Variants in HEATR5A observed in about 807,000 individuals in gnomAD.
HEATR5A encodes HEAT repeat containing 5A, also known as HEAT repeat-containing protein 5A.
A neutral mutation model predicts 218.8 loss-of-function variants in HEATR5A; 178 were observed. The ratio of observed to expected loss-of-function variants is 0.81; its 90% CI spans 0.72 to 0.92. HEATR5A has a LOEUF of 0.92. Ranked by LOEUF, HEATR5A falls within the 40% of genes least tolerant of loss-of-function variation. The probability of loss-of-function intolerance (pLI) is 0.00; values close to 1 mark genes in which losing one functional copy is unlikely to be tolerated. For synonymous variants in HEATR5A, 864 were observed against 871.6 expected (o/e 0.99, Z 0.15); for missense variants, 2,420 against 2,418.9 (o/e 1.00, Z -0.01).
intron 8 of HEATR5A, 41 bp downstream of exon 8, chr14:31,387,079 A>T: frequency 6.2e-7 from 1 of 1,603,104 alleles, no homozygotes; most frequent in South Asian, 1.1e-5. Flanking sequence ...GGACAATTCC[A>T]TTAGCACTGT....
intron 22 of HEATR5A, among the ~76,000 whole-genome samples, chr14:31,331,258 A>G (rs560953204): frequency 9.2e-5 from 14 of 152,202 alleles, no homozygotes; most frequent in African/African-American, 2.6e-4. Flanking sequence ...CCTTTTAAAC[A>G]TAAATTCCAA....
chr14:31,386,685 C>G (rs975235688), intron 8 of HEATR5A, 110 bp from the exon 9 acceptor site: 5 of 881,746 alleles, frequency 5.7e-6, no homozygotes, highest in South Asian at 1.9e-5. Flanking sequence ...TACACTTGAT[C>G]TATATGAAAT....
At chr14:31,326,523 GATCCTA>G (rs1212252125) in intron 22 of HEATR5A, among the ~76,000 whole-genome samples, 181 bp from the exon 23 acceptor site, 1 of 152,116 alleles carries the variant, frequency 6.6e-6, no homozygotes, top group African/African-American at 2.4e-5. Flanking sequence ...TGGGATTTAT[GATCCTA>G]TATAGCAGTA....
intron 24 of HEATR5A, 70 bp from the exon 25 acceptor site, chr14:31,321,750 G>C: frequency 8.5e-7 from 1 of 1,175,256 alleles, no homozygotes; most frequent in Non-Finnish European, 1.2e-6. Flanking sequence ...CTGGAACTAA[G>C]ACTTACATTA....
At chr14:31,331,618 C>T (rs1198277085) in intron 22 of HEATR5A, among the ~76,000 whole-genome samples, 1 of 152,158 alleles carries the variant, frequency 6.6e-6, no homozygotes, top group African/African-American at 2.4e-5. Flanking sequence ...TACCAATTTA[C>T]TGTATTAGTC....
chr14:31,333,199 TTCA>T (rs1226677697), intron 22 of HEATR5A, among the ~76,000 whole-genome samples: 2 of 152,138 alleles, frequency 1.3e-5, no homozygotes, highest in African/African-American at 4.8e-5. Flanking sequence ...ATATAGAAGC[TTCA>T]TCAAGTTAGC....
intron 24 of HEATR5A, 131 bp from the exon 25 acceptor site, chr14:31,321,811 G>T: frequency 1.5e-6 from 1 of 671,350 alleles, no homozygotes; most frequent in Non-Finnish European, 2.5e-6. Flanking sequence ...TACTGTTTTT[G>T]CTGTTTGTTA....
intron 25 of HEATR5A, among the ~76,000 whole-genome samples, chr14:31,319,446 C>T (rs986374006): frequency 1.3e-5 from 2 of 152,228 alleles, no homozygotes; most frequent in African/African-American, 4.8e-5. Flanking sequence ...AGCCACCGCG[C>T]CCGGCCTCTA....
chr14:31,396,125 G>C (rs2139297452), intron 4 of HEATR5A, among the ~76,000 whole-genome samples: 1 of 152,272 alleles, frequency 6.6e-6, no homozygotes, highest in African/African-American at 2.4e-5. Context: ...GGGAGGCCAA[G>C]GTGGGCCGAT....
intron 16 of HEATR5A, among the ~76,000 whole-genome samples, chr14:31,352,684 G>A (rs142272357): frequency 3.3e-5 from 5 of 152,264 alleles, no homozygotes; most frequent in African/African-American, 9.6e-5. Flanking sequence ...AAGGCCAGGC[G>A]CAATGGCAAA....
chr14:31,395,547 A>G (rs1297126731), intron 4 of HEATR5A, among the ~76,000 whole-genome samples, 199 bp from the exon 5 acceptor site: 1 of 152,204 alleles, frequency 6.6e-6, no homozygotes, highest in Non-Finnish European at 1.5e-5. Flanking sequence ...GATTTTCAAC[A>G]TGATACAAAT....
chr14:31,303,726 G>T lies in HEATR5A; in HGVS notation c.5239+1179C>A, dbSNP rs117418251. On this transcript the variant is annotated intron_variant, in intron 32 of 35. Transcript: ENST00000543095. ...AGGGAAGCCTTTATACATGAGGTAG[G>T]CCTGCAGTTGAACCATGAAGAAAAA... is the stretch of plus-strand genomic sequence containing the variant. Among the ~76,000 whole-genome samples the T allele has an allele frequency of 6.5e-3, 992 of 152,248 alleles. 2 individuals are homozygous for T. Among genetic ancestry groups the T allele is most frequent in the Non-Finnish European group, 8.6e-3 (582 of 68,036 alleles).
chr14:31,326,909 T>C (rs549956150), intron 22 of HEATR5A, among the ~76,000 whole-genome samples: 7 of 152,024 alleles, frequency 4.6e-5, no homozygotes, highest in Non-Finnish European at 1.0e-4. Flanking sequence ...CCTCCCAAAG[T>C]GCTGAGATTA....
intron 4 of HEATR5A, among the ~76,000 whole-genome samples, chr14:31,396,276 G>A (rs184930145): frequency 5.3e-5 from 8 of 152,020 alleles, no homozygotes; most frequent in African/African-American, 1.9e-4. Context: ...GCGTGGTAGT[G>A]CACACCTTTA....
intron 14 of HEATR5A, among the ~76,000 whole-genome samples, chr14:31,362,212 A>G (rs1019653614): frequency 4.0e-5 from 6 of 151,884 alleles, no homozygotes; most frequent in African/African-American, 1.5e-4. Flanking sequence ...CAAATGATCC[A>G]TTTGTCTTAG....
chr14:31,360,620 G>T (rs1033148132), intron 14 of HEATR5A, among the ~76,000 whole-genome samples: 1 of 152,122 alleles, frequency 6.6e-6, no homozygotes, highest in African/African-American at 2.4e-5. Flanking sequence ...TTGCCAGTTT[G>T]TAACTTAAAT....
At chr14:31,329,381 T>C (rs1900384604) in intron 22 of HEATR5A, among the ~76,000 whole-genome samples, 1 of 152,208 alleles carries the variant, frequency 6.6e-6, no homozygotes. Context: ...AGTTACTTCC[T>C]AGATACAATG....
intron 32 of HEATR5A, 66 bp from the exon 33 acceptor site, chr14:31,302,585 T>C: frequency 9.5e-7 from 1 of 1,053,034 alleles, no homozygotes; most frequent in Non-Finnish European, 1.4e-6. Context: ...TAAAAAGAAA[T>C]CATCAAGGAG....
Position 31,400,461 on chromosome 14 carries a change from A to G in HEATR5A, c.178T>C (p.Leu60=). 1 of 1,536,036 alleles carries G rather than the reference A, an allele frequency of 6.5e-7. No individual in the cohort carries two copies. Among genetic ancestry groups the G allele is most frequent in the Non-Finnish European group, 8.7e-7 (1 of 1,146,834 alleles). ...KTLVEQLLSL[L]NSSPGPPTRK... ...GTAGGAGGCCCTGGGGAGCTGTTCA[A>G]CAAAGACAGGAGCTGTTCAACAAGA... Residue 60 remains leucine, a synonymous_variant, in exon 3 of 36, where the codon TTG becomes CTG. Transcript: ENST00000543095.
Sources: gnomAD v4.1 joint callset for allele counts (sites outside exome capture counted in the v4.1 genomes callset) on GRCh38, gnomAD v4.1.1 for gene constraint, MANE v1.5 for transcripts, NCBI Gene and HGNC (gene_info 2026-07-23, HGNC 2026-07-21) for gene names.